Variants in ANKAR observed in about 807,000 individuals in gnomAD.
ANKAR encodes the protein ankyrin and armadillo repeat containing, also known as ankyrin and armadillo repeat-containing protein.
Under a neutral mutation model 146.2 loss-of-function variants are expected in ANKAR, and 136 were observed. The ratio of observed to expected loss-of-function variants is 0.93; its 90% CI spans 0.81 to 1.07. ANKAR has a LOEUF of 1.07. Ranked by LOEUF, ANKAR falls within the 50% of genes least tolerant of loss-of-function variation. The pLI, the probability that ANKAR is intolerant of heterozygous loss-of-function variation, is 0.00. For missense variants in ANKAR, 1,567 were observed against 1,679.9 expected, an observed-to-expected ratio of 0.93 and a Z score of 1.18; for synonymous variants, 500 against 575.8, an observed-to-expected ratio of 0.87 and a Z score of 1.88.
intron 20 of ANKAR, among the ~76,000 whole-genome samples, chr2:189,742,965 CACACACACACACA>C (rs1275716301): frequency 7.1e-5 from 10 of 140,030 alleles, no homozygotes; most frequent in South Asian, 2.3e-4. Flanking sequence ...CACACACACA[CACACACACACACA>C]CACCCCTGAA....
intron 18 of ANKAR, among the ~76,000 whole-genome samples, chr2:189,759,486 AT>A (rs2106070682): frequency 6.6e-6 from 1 of 152,194 alleles, no homozygotes; most frequent in Admixed American, 6.5e-5. Flanking sequence ...TCCTGACCTC[AT>A]GGTCCACTTG....
chr2:189,680,247 A>C (rs1439057407), intron 2 of ANKAR, among the ~76,000 whole-genome samples: 2 of 151,930 alleles, frequency 1.3e-5, no homozygotes, highest in African/African-American at 4.8e-5. Context: ...GTTTATAGTA[A>C]CCTTGAATGA....
In ANKAR at chr2:189,680,560, T is replaced by TA. The variant is rs557062250; in HGVS notation, c.601+3471dup. Among the ~76,000 whole-genome samples, 128 of 152,192 alleles carry TA rather than the reference T, an allele frequency of 8.4e-4. 2 individuals are homozygous for TA. The highest frequency in any genetic ancestry group is 6.2e-3 in the Admixed American group (94 of 15,278). ...TCTATTTGTGTTCTTTCAGACTTTT[T>TA]AATGTAGGCATTTACTGCTATGAAC... On this transcript the variant is annotated intron_variant, in intron 2 of 22. Transcript: ENST00000684021.
intron 20 of ANKAR, 45 bp from the exon 21 acceptor site, chr2:189,743,230 A>G: frequency 6.4e-7 from 1 of 1,568,794 alleles, no homozygotes; most frequent in Non-Finnish European, 8.7e-7. Flanking sequence ...AAGATATTTT[A>G]AGAACAAAGC....
chr2:189,717,688 A>G lies in ANKAR; in HGVS notation c.2225-1884A>G, dbSNP rs369165228. Among the ~76,000 whole-genome samples the G allele has an allele frequency of 9.2e-5, 14 of 152,362 alleles. No individual in the cohort carries two copies. In the East Asian group the frequency reaches 1.3e-3, roughly 15 times the overall value. On this transcript the variant is annotated intron_variant, in intron 10 of 22. Coordinates refer to ENST00000684021, the MANE Select transcript of ANKAR (RefSeq NM_001378068.1). ...AATAGCAAAAACTTGGAACCAACCC[A>G]AATGTCCATCAATGATAGACTGGAT...
chr2:189,689,641 A>G lies in ANKAR; in HGVS notation c.716A>G (p.Tyr239Cys). 1.9e-6 allele frequency: 3 copies of G among 1,613,778 alleles called. No individual in the cohort carries two copies. Among genetic ancestry groups the G allele is most frequent in the Non-Finnish European group, 2.5e-6 (3 of 1,179,776 alleles). Residue 239 changes from tyrosine (Y) to cysteine (C), a missense_variant, in exon 3 of 23, where the codon TAT (tyrosine) becomes TGT (cysteine). Tyr to Cys is a radical substitution (Grantham distance 194). Coordinates refer to ENST00000684021, the MANE Select transcript of ANKAR (RefSeq NM_001378068.1). ...SPEETAVFMK[Y>C]AENIMLKLTF... ...GAAGAAACAGCTGTATTTATGAAAT[A>G]TGCTGAAAATATTATGCTAAAGTTA...
chr2:189,758,210 C>G (rs1476284446), intron 18 of ANKAR, among the ~76,000 whole-genome samples: 1 of 152,054 alleles, frequency 6.6e-6, no homozygotes, highest in Non-Finnish European at 1.5e-5. Flanking sequence ...GGAGAAACCC[C>G]ATCTCTACTA....
At position 189,707,082 on chromosome 2, in the gene ANKAR, A is replaced by G. The variant is rs750390326; in HGVS notation, c.2055A>G (p.Thr685=). Residue 685 remains threonine (T), a synonymous_variant, in exon 9 of 23, where the codon ACA becomes ACG. Coordinates refer to ENST00000684021, the MANE Select transcript of ANKAR (RefSeq NM_001378068.1). ...ATTTATCAGTGTTAACCTTTCATAC[A>G]GAGGTTCTCAAATATATAATAAAAT... ...IIHLSVLTFH[T]EVLKYIIKLN... 1.2e-6 allele frequency: 2 copies of G among 1,605,176 alleles called. No individual in the cohort carries two copies. The highest frequency in any genetic ancestry group is 1.1e-5 in the South Asian group (1 of 89,006).
intron 8 of ANKAR, among the ~76,000 whole-genome samples, chr2:189,706,228 A>G (rs1365833296): frequency 1.3e-5 from 2 of 151,996 alleles, no homozygotes; most frequent in Non-Finnish European, 2.9e-5. Context: ...TCTCTACTAA[A>G]AATACAAAAA....
chr2:189,761,590 C>G, downstream of ANKAR: 1 of 1,609,268 alleles, frequency 6.2e-7, no homozygotes, highest in East Asian at 2.2e-5. Context: ...CATAAACTTT[C>G]CTTTTTGATG....
At chr2:189,709,355 T>C (rs773501802) in intron 9 of ANKAR, among the ~76,000 whole-genome samples, 1 of 152,086 alleles carries the variant, frequency 6.6e-6, no homozygotes, top group Non-Finnish European at 1.5e-5. Flanking sequence ...TATATAAATA[T>C]GTAGAAATAA....
Position 189,728,100 on chromosome 2 carries a change from A to G in ANKAR, c.2877+3A>G. The G allele has an allele frequency of 6.3e-7, 1 of 1,596,256 alleles. No individual in the cohort carries two copies. The highest frequency in any genetic ancestry group is 8.5e-7 in the Non-Finnish European group (1 of 1,171,392). On this transcript the variant is annotated splice_donor_region_variant and intron_variant, in intron 13 of 22. Coordinates refer to ENST00000684021, the MANE Select transcript of ANKAR (RefSeq NM_001378068.1). ...AATATCTTTTAAAACTCCTAAAGGT[A>G]GGAATTTTATGATTACTGGTCATTT...
chr2:189,730,236 A>G (rs1036123067), intron 15 of ANKAR, among the ~76,000 whole-genome samples: 1 of 152,214 alleles, frequency 6.6e-6, no homozygotes, highest in Non-Finnish European at 1.5e-5. Context: ...CCTTGGTAGT[A>G]TAATATTTCT....
rs745577141 is a variant in ANKAR at position 189,696,321 on chromosome 2, A to G, written c.1660A>G (p.Asn554Asp). 3 of 1,614,112 alleles carry G rather than the reference A, an allele frequency of 1.9e-6. No individual in the cohort carries two copies. The highest frequency in any genetic ancestry group is 2.2e-5 in the East Asian group (1 of 44,872). The change falls in exon 7 of 23, where the codon AAT (asparagine) becomes GAT (aspartate). Residue 554 changes from asparagine to aspartate, a missense_variant. Physicochemically the swap from Asn to Asp is conservative, Grantham distance 23. Transcript: ENST00000684021. ...AGTTTCTATTATATGTCAACTGTGCAATGCTAACTTCAAGGTCAACCAGAG... is the reference window on the plus strand; with the variant it reads ...AGTTTCTATTATATGTCAACTGTGCGATGCTAACTTCAAGGTCAACCAGAG... ...NRVSIICQLC[N>D]ANFKVNQRRF...
intron 16 of ANKAR, among the ~76,000 whole-genome samples, chr2:189,731,687 T>C (rs965516567): frequency 9.3e-5 from 14 of 151,110 alleles, no homozygotes; most frequent in Non-Finnish European, 1.5e-4. Flanking sequence ...TTTTTTAATC[T>C]GTATTTATTT....
intron 5 of ANKAR, 108 bp downstream of exon 5, chr2:189,693,285 G>A (rs1385437027): frequency 2.5e-5 from 17 of 679,776 alleles, no homozygotes; most frequent in East Asian, 8.6e-5. Flanking sequence ...TTACAATGGC[G>A]ATTCCACAAT....
chr2:189,741,515 C>T, intron 20 of ANKAR, 64 bp downstream of exon 20: 1 of 1,222,636 alleles, frequency 8.2e-7, no homozygotes, highest in Middle Eastern at 2.0e-4. Flanking sequence ...ACCTCTCCCT[C>T]TGTGGACTAA....
intron 7 of ANKAR, among the ~76,000 whole-genome samples, chr2:189,698,824 G>A (rs1191810527): frequency 6.6e-6 from 1 of 152,172 alleles, no homozygotes; most frequent in Non-Finnish European, 1.5e-5. Flanking sequence ...TTTTCTGCAG[G>A]TGCAGGAGAG....
chr2:189,685,204 G>T (rs2035378816), intron 2 of ANKAR, among the ~76,000 whole-genome samples: 1 of 151,012 alleles, frequency 6.6e-6, no homozygotes, highest in East Asian at 2.0e-4. Context: ...GTAGAATGTT[G>T]TCCCGGCTGG....
Sources: allele counts gnomAD v4.1 joint callset (sites outside exome capture counted in the v4.1 genomes callset), GRCh38; gene constraint gnomAD v4.1.1; transcripts MANE v1.5; gene names NCBI Gene and HGNC (gene_info 2026-07-23, HGNC 2026-07-21).